Variants in TTLL9 observed in about 807,000 individuals in gnomAD.
TTLL9 encodes probable tubulin polyglutamylase TTLL9.
Under a neutral mutation model 65.6 loss-of-function variants are expected in TTLL9, and 47 were observed. The ratio of observed to expected loss-of-function variants is 0.72; its 90% confidence interval spans 0.57 to 0.91. TTLL9 has a LOEUF of 0.91. TTLL9 is among the 40% of genes least tolerant of loss of function. TTLL9 has a pLI of 0.00. For synonymous variants in TTLL9, 179 were observed against 204.8 expected (o/e 0.87, Z 1.07); for missense variants, 537 against 568.8 (o/e 0.94, Z 0.57).
At chr20:31,927,805 C>T (rs1347765942) in intron 10 of TTLL9, among the ~76,000 whole-genome samples, 2 of 152,194 alleles carry the variant, frequency 1.3e-5, no homozygotes, top group African/African-American at 4.8e-5. Flanking sequence ...ACAACCCAGC[C>T]AATGCTTTTA....
chr20:31,918,433 G>A (rs1229116431), intron 6 of TTLL9, among the ~76,000 whole-genome samples: 5 of 151,788 alleles, frequency 3.3e-5, no homozygotes, highest in Non-Finnish European at 4.4e-5. Flanking sequence ...GTGCAGTGGT[G>A]CAATCCCTGC....
chr20:31,902,118 T>TC (rs1272897708), intron 4 of TTLL9, among the ~76,000 whole-genome samples: 1 of 150,202 alleles, frequency 6.7e-6, no homozygotes, highest in East Asian at 1.9e-4. Flanking sequence ...ACTTTTTTTT[T>TC]CCCCCACATA....
Position 31,908,646 on chromosome 20 carries a change from G to A in TTLL9, c.262G>A (p.Asp88Asn), listed in dbSNP as rs779774577. ...CDVSWLRENF[D>N]HTYMDEHVRI... ...CGTCAGCTGGCTCCGGGAGAACTTC[G>A]ACCACACCTACATGGATGAACATGT... Residue 88 changes from aspartate to asparagine, a missense_variant, in exon 5 of 15, where the codon GAC becomes AAC. Transcript: ENST00000535842. 9.3e-6 allele frequency: 15 copies of A among 1,613,860 alleles called. No individual in the cohort carries two copies. Among genetic ancestry groups the A allele is most frequent in the African/African-American group, 1.3e-5 (1 of 74,866 alleles).
chr20:31,939,486 C>A, intron 14 of TTLL9: 2 of 424,380 alleles, frequency 4.7e-6, no homozygotes, highest in Non-Finnish European at 8.3e-6. Flanking sequence ...GGGATTCACA[C>A]TCATTGTAGA....
rs188438889 is a variant in TTLL9, at chr20:31,923,029, A to C, written c.640A>C (p.Ile214Leu). The change falls in exon 8 of 15, where the codon ATT becomes CTT. Residue 214 changes from isoleucine (I) to leucine (L), a missense_variant. By Grantham distance (5) the Ile-to-Leu change is conservative. Around this residue, in one of 3 missense-constraint regions of TTLL9, gnomAD observed 320 missense variants for 311.0 expected, o/e 1.03. Coordinates refer to ENST00000535842, the MANE Select transcript of TTLL9 (RefSeq NM_001008409.5). ...PVENYVAQRYIENPYLIGGRK... is the reference protein window; with the variant it reads ...PVENYVAQRYLENPYLIGGRK... ...GGAGAACTATGTGGCTCAGCGTTAC[A>C]TTGAAAATCCTTACCTGATAGGAGG... is the stretch of plus-strand genomic sequence containing the variant. 1.9e-5 allele frequency: 31 copies of C among 1,614,044 alleles called. No homozygotes were observed. In the East Asian group the frequency reaches 2.9e-4, roughly 15 times the overall value.
At chr20:31,903,188 TC>T (rs1215165108) in intron 4 of TTLL9, among the ~76,000 whole-genome samples, 1 of 152,090 alleles carries the variant, frequency 6.6e-6, no homozygotes, top group Non-Finnish European at 1.5e-5. Flanking sequence ...ATTATGGCCA[TC>T]CTAGTGGGTA....
At chr20:31,935,477 G>A (rs1273735744) in intron 12 of TTLL9, among the ~76,000 whole-genome samples, 1 of 152,176 alleles carries the variant, frequency 6.6e-6, no homozygotes, top group Non-Finnish European at 1.5e-5. Context: ...GGGCTGAGCT[G>A]CTCCCCACCA....
At chr20:31,884,010 T>A in intron 2 of TTLL9, 1 of 500,982 alleles carries the variant, frequency 2.0e-6, no homozygotes, top group Non-Finnish European at 3.6e-6. Flanking sequence ...TAAGTCTGCC[T>A]TTATTCACAG....
chr20:31,900,718 G>A (rs902936225), intron 4 of TTLL9, among the ~76,000 whole-genome samples: 1 of 152,152 alleles, frequency 6.6e-6, no homozygotes, highest in Non-Finnish European at 1.5e-5. Context: ...TCCAGAGAAC[G>A]GGTGTCATGA....
intron 2 of TTLL9, among the ~76,000 whole-genome samples, chr20:31,886,394 G>A (rs1014837310): frequency 2.0e-5 from 3 of 152,222 alleles, no homozygotes; most frequent in African/African-American, 7.2e-5. Context: ...TGGTTGAAGT[G>A]AAATAATACC....
rs2062912034 is a variant in TTLL9, at chr20:31,870,799, G to C, written c.-156G>C. The C allele has an allele frequency of 6.1e-6, 3 of 495,334 alleles. No homozygotes were observed. The highest frequency in any genetic ancestry group is 1.0e-5 in the Non-Finnish European group (3 of 287,208). 30.7% of individuals were successfully genotyped at this position (495,334 alleles called of 1,614,324 possible). On this transcript the variant is annotated 5_prime_UTR_variant, in exon 1 of 15. Coordinates refer to ENST00000535842, the MANE Select transcript of TTLL9 (RefSeq NM_001008409.5). This position sits in a 1 kb window ranked among gnomAD's most constrained non-coding sequence, Gnocchi z 6.6. ...CCCCCCGGCCGGCCCACAAACTCCC[G>C]TCCCCCTTCCGGCTCTGCCTGGACG...
At position 31,934,738 on chromosome 20, in the gene TTLL9, AAC is replaced by A. The variant is rs1300779465; in HGVS notation, c.857_858del (p.His286ArgfsTer30). On this transcript the variant is annotated frameshift_variant, in exon 12 of 15. Transcript: ENST00000535842. LOFTEE classifies it high-confidence loss of function. ...CGCTTCCGGCAGTACCTGGCGTCCA[AAC>A]ACGGGCCCGAGGCAGTGGAGACACT... 2.5e-6 allele frequency: 4 copies of A among 1,612,566 alleles called. No homozygotes were observed. The highest frequency in any genetic ancestry group is 3.4e-6 in the Non-Finnish European group (4 of 1,179,950).
chr20:31,921,747 C>A (rs1189341111), intron 7 of TTLL9, among the ~76,000 whole-genome samples: 2 of 152,024 alleles, frequency 1.3e-5, no homozygotes, highest in African/African-American at 4.8e-5. Context: ...ACCGCATGTT[C>A]TCACTCATAG....
At chr20:31,941,502 C>G (rs1490209616) in intron 14 of TTLL9, among the ~76,000 whole-genome samples, 1 of 152,028 alleles carries the variant, frequency 6.6e-6, no homozygotes, top group Non-Finnish European at 1.5e-5. Flanking sequence ...GCATCAGTAG[C>G]TTTTAAAGCT....
chr20:31,933,916 G>T, intron 11 of TTLL9, 58 bp downstream of exon 11: 1 of 1,534,904 alleles, frequency 6.5e-7, no homozygotes, highest in Non-Finnish European at 8.8e-7. Context: ...AGGTCGGGGT[G>T]GGGAGGGTGG....
Position 31,934,806 on chromosome 20 carries a change from A to G in TTLL9, c.922A>G (p.Ser308Gly), listed in dbSNP as rs1395698573. 6.2e-7 allele frequency: 1 copy of G among 1,614,024 alleles called. No homozygotes were observed. The highest frequency in any genetic ancestry group is 1.1e-5 in the South Asian group (1 of 91,066). The change falls in exon 12 of 15, where the codon AGT (serine) becomes GGT (glycine). Residue 308 changes from serine to glycine, a missense_variant. By Grantham distance (56) the Ser-to-Gly change is moderately conservative. Coordinates refer to ENST00000535842, the MANE Select transcript of TTLL9 (RefSeq NM_001008409.5). ...IDNIFVKSLQSVQKVIISDKH... is the reference protein window; with the variant it reads ...IDNIFVKSLQGVQKVIISDKH... ...CAACATCTTTGTCAAAAGCCTGCAG[A>G]GTGTGCAGAAGGTGATCATCAGTGA...
At chr20:31,890,743 A>G (rs1214485429) in intron 3 of TTLL9, among the ~76,000 whole-genome samples, 1 of 152,224 alleles carries the variant, frequency 6.6e-6, no homozygotes, top group East Asian at 1.9e-4. Flanking sequence ...TAAGTGAGAG[A>G]TGAGAGACTT....
Position 31,870,712 on chromosome 20 carries a change from C to G in TTLL9, c.-243C>G. The G allele has an allele frequency of 2.7e-6, 2 of 729,990 alleles. No individual in the cohort carries two copies. Among genetic ancestry groups the G allele is most frequent in the Non-Finnish European group, 1.9e-6 (1 of 516,830 alleles). The allele number at this position is 729,990 out of a possible 1,614,324, so 45.2% of individuals were successfully genotyped here. On this transcript the variant is annotated 5_prime_UTR_variant, in exon 1 of 15. Coordinates refer to ENST00000535842, the MANE Select transcript of TTLL9 (RefSeq NM_001008409.5). The surrounding 1 kb of genome is among the most constrained non-coding windows in gnomAD (Gnocchi z 6.6). Reference sequence around the variant, plus strand: ...GGGCCGCCACCTCCGGAGGTGGGGGCGGGGGCCTTACCCCACCCTGGCACC... The same window carrying G: ...GGGCCGCCACCTCCGGAGGTGGGGGGGGGGGCCTTACCCCACCCTGGCACC...
At chr20:31,879,130 G>T (rs2063074364) in intron 2 of TTLL9, among the ~76,000 whole-genome samples, 1 of 152,142 alleles carries the variant, frequency 6.6e-6, no homozygotes, top group Non-Finnish European at 1.5e-5. Context: ...AGACCAGCCT[G>T]GCCAACATGG....
Sources: gnomAD v4.1 joint callset for allele counts (sites outside exome capture counted in the v4.1 genomes callset) on GRCh38, gnomAD v4.1.1 for gene constraint, gnomAD v4.1.1 regional missense constraint, Gnocchi (gnomAD v3.1) non-coding constraint, MANE v1.5 for transcripts, NCBI Gene and HGNC (gene_info 2026-07-23, HGNC 2026-07-21) for gene names.